The following KDM4C variants were observed in gnomAD, a reference collection of about 807,000 sequenced individuals.
The protein encoded by KDM4C is lysine-specific demethylase 4C.
A neutral mutation model predicts 129.3 loss-of-function variants in KDM4C; 81 were observed. The ratio of observed to expected loss-of-function variants is 0.63; its 90% CI spans 0.52 to 0.75. KDM4C has a LOEUF of 0.75. Among genes scored for constraint, KDM4C ranks in the 30% least tolerant of loss-of-function variants. The pLI is 0.00. For synonymous variants in KDM4C, 573 were observed against 456.1 expected (o/e 1.26, Z -3.26); for missense variants, 1,457 against 1,304.0 (o/e 1.12, Z -1.81).
chr9:6,902,228 G>A (rs1261274637), intron 8 of KDM4C, among the ~76,000 whole-genome samples: 1 of 152,158 alleles, frequency 6.6e-6, no homozygotes, highest in Non-Finnish European at 1.5e-5. Flanking sequence ...ATTAATAGGT[G>A]TTGTGAACAC....
At chr9:6,930,346 C>A (rs1823440192) in intron 8 of KDM4C, among the ~76,000 whole-genome samples, 1 of 152,036 alleles carries the variant, frequency 6.6e-6, no homozygotes, top group African/African-American at 2.4e-5. Context: ...TCTCTAGAAT[C>A]TTTTTATAGA....
intron 17 of KDM4C, among the ~76,000 whole-genome samples, chr9:7,065,994 T>A (rs955207220): frequency 4.6e-4 from 67 of 144,164 alleles, no homozygotes; most frequent in African/African-American, 1.6e-3. Flanking sequence ...GTAACAGCTT[T>A]AAAAAAAAAA....
At chr9:6,955,665 C>A (rs1828934781) in intron 8 of KDM4C, among the ~76,000 whole-genome samples, 1 of 152,142 alleles carries the variant, frequency 6.6e-6, no homozygotes, top group African/African-American at 2.4e-5. Context: ...TCAGCTTTTC[C>A]CTTTCTTCTT....
intron 1 of KDM4C, among the ~76,000 whole-genome samples, chr9:6,730,979 A>C (rs999680092): frequency 6.6e-6 from 1 of 152,196 alleles, no homozygotes; most frequent in Non-Finnish European, 1.5e-5. Flanking sequence ...AAAAGGACTC[A>C]AATACAGAAG....
Position 6,897,637 on chromosome 9 carries a change from C to T in KDM4C, c.921+4405C>T, listed in dbSNP as rs114438043. 5.1e-3 allele frequency among the ~76,000 whole-genome samples: 771 copies of T among 152,122 alleles called. 7 individuals carry two copies. Among genetic ancestry groups the T allele is most frequent in the African/African-American group, 0.018 (733 of 41,494 alleles). ...GGCAGAGGTCAGATTTGGTGAGTGC[C>T]CAGTGAGTTCCTCCTGTGCTACATG... On this transcript the variant is annotated intron_variant, in intron 8 of 21. Transcript: ENST00000381309.
intron 20 of KDM4C, among the ~76,000 whole-genome samples, chr9:7,168,625 C>T (rs770928017): frequency 4.1e-5 from 6 of 147,694 alleles, no homozygotes; most frequent in Non-Finnish European, 9.1e-5. Flanking sequence ...TATTTTCACA[C>T]ATTGATGAGG....
chr9:6,966,281 C>T (rs576490727), intron 8 of KDM4C, among the ~76,000 whole-genome samples: 7 of 152,166 alleles, frequency 4.6e-5, no homozygotes, highest in South Asian at 2.1e-4. Context: ...CTTCCAGGTT[C>T]ACGCCATTCT....
chr9:7,082,606 TGA>T (rs751855719), intron 17 of KDM4C, among the ~76,000 whole-genome samples: 14 of 152,120 alleles, frequency 9.2e-5, no homozygotes, highest in Non-Finnish European at 1.8e-4. Flanking sequence ...CCTTTTCCTG[TGA>T]GAGTCTTGCT....
At chr9:6,762,274 G>C (rs917122594) in intron 1 of KDM4C, among the ~76,000 whole-genome samples, 1 of 151,582 alleles carries the variant, frequency 6.6e-6, no homozygotes, top group African/African-American at 2.4e-5. Context: ...ACAGGCCCTG[G>C]TGTGTGATGT....
At chr9:7,079,839 CAACT>C (rs1419952725) in intron 17 of KDM4C, among the ~76,000 whole-genome samples, 1 of 152,238 alleles carries the variant, frequency 6.6e-6, no homozygotes, top group South Asian at 2.1e-4. Flanking sequence ...TTCTGGCCCT[CAACT>C]TTTAACATGT....
chr9:6,990,528 A>T lies in KDM4C; in HGVS notation c.1786+4A>T. On this transcript the variant is annotated splice_donor_region_variant and intron_variant, in intron 12 of 21. Transcript: ENST00000381309. ...CAGCAGGCGCCAAGTGATGAAGGTG[A>T]GATGGTGACCCTTTTTGGGATTTTT... The T allele has an allele frequency of 6.5e-7, 1 of 1,543,462 alleles. No homozygotes were observed. Among genetic ancestry groups the T allele is most frequent in the Non-Finnish European group, 8.8e-7 (1 of 1,132,604 alleles).
chr9:7,033,854 C>T (rs1427129735), intron 15 of KDM4C, among the ~76,000 whole-genome samples: 2 of 152,250 alleles, frequency 1.3e-5, no homozygotes, highest in African/African-American at 4.8e-5. Context: ...TACTACACAC[C>T]AGGCTGTGCT....
At chr9:7,099,147 A>G (rs1836791064) in intron 17 of KDM4C, among the ~76,000 whole-genome samples, 1 of 152,008 alleles carries the variant, frequency 6.6e-6, no homozygotes, top group Non-Finnish European at 1.5e-5. Context: ...TCAGGAAACA[A>G]CAATTAAAAA....
chr9:7,153,687 A>T (rs1156681859), intron 19 of KDM4C, among the ~76,000 whole-genome samples: 1 of 152,204 alleles, frequency 6.6e-6, no homozygotes, highest in Non-Finnish European at 1.5e-5. Context: ...GCGGTTACTT[A>T]TCAGGGTTGT....
chr9:7,087,276 T>C (rs2079443592), intron 17 of KDM4C, among the ~76,000 whole-genome samples: 1 of 150,140 alleles, frequency 6.7e-6, no homozygotes, highest in Non-Finnish European at 1.5e-5. Context: ...TATGAAGGCT[T>C]TTTTTTTTGA....
At chr9:6,811,443 T>C (rs977892760) in intron 3 of KDM4C, among the ~76,000 whole-genome samples, 7 of 152,296 alleles carry the variant, frequency 4.6e-5, no homozygotes, top group African/African-American at 1.7e-4. Context: ...TCATCTGTTT[T>C]TCTTTAGCAC....
intron 17 of KDM4C, among the ~76,000 whole-genome samples, chr9:7,072,236 C>T (rs1488578491): frequency 6.6e-6 from 1 of 152,154 alleles, no homozygotes; most frequent in African/African-American, 2.4e-5. Context: ...TCTTGGAAAA[C>T]AGCCTGGCAG....
intron 8 of KDM4C, among the ~76,000 whole-genome samples, chr9:6,933,925 T>A: frequency 6.6e-6 from 1 of 151,924 alleles, no homozygotes; most frequent in East Asian, 1.9e-4. Flanking sequence ...TCTTGGCTCA[T>A]GACAATCTCC....
chr9:6,798,295 G>A (rs769535043), intron 2 of KDM4C, among the ~76,000 whole-genome samples: 99 of 148,072 alleles, frequency 6.7e-4, no homozygotes, highest in Non-Finnish European at 1.2e-3. Context: ...GATGTTTCTC[G>A]CAGAGGGGGA....
Sources: gnomAD v4.1 joint callset for allele counts (sites outside exome capture counted in the v4.1 genomes callset) on GRCh38, gnomAD v4.1.1 for gene constraint, MANE v1.5 for transcripts, NCBI Gene and HGNC (gene_info 2026-07-23, HGNC 2026-07-21) for gene names.